DPYD: variants seen among roughly 807,000 people sequenced by gnomAD.
DPYD encodes the protein dihydropyrimidine dehydrogenase.
Under a neutral mutation model 116.2 loss-of-function variants are expected in DPYD, and 109 were observed. The ratio of observed to expected loss-of-function variants is 0.94; its 90% CI spans 0.80 to 1.10. DPYD has a LOEUF of 1.10. Ranked by LOEUF, DPYD falls within the 50% of genes least tolerant of loss-of-function variation. DPYD has a pLI of 0.00. For synonymous variants in DPYD, 440 were observed against 432.0 expected (o/e 1.02, Z -0.23); for missense variants, 1,302 against 1,254.5 (o/e 1.04, Z -0.57).
At chr1:97,117,614 A>G (rs1168869285) in intron 20 of DPYD, among the ~76,000 whole-genome samples, 1 of 152,190 alleles carries the variant, frequency 6.6e-6, no homozygotes, top group Non-Finnish European at 1.5e-5. Flanking sequence ...GCAATTTATC[A>G]TACTTTCTTT....
Position 97,515,645 on chromosome 1 carries a change from A to G in DPYD, c.1740+81T>C. The G allele has an allele frequency of 5.5e-6, 7 of 1,280,064 alleles. No individual in the cohort carries two copies. In the South Asian group the frequency reaches 9.4e-5, roughly 17 times the overall value. The allele number at this position is 1,280,064 out of a possible 1,614,324, so 79.3% of individuals were successfully genotyped here. On this transcript the variant is annotated intron_variant, in intron 13 of 22. Coordinates refer to ENST00000370192, the MANE Select transcript of DPYD (RefSeq NM_000110.4). ...GTTTAATAAGTAGTATTTCTTAGTAAAAAAAATCCATTATAATGTTTATAC... is the reference window on the plus strand; with the variant it reads ...GTTTAATAAGTAGTATTTCTTAGTAGAAAAAATCCATTATAATGTTTATAC...
At chr1:97,277,133 G>A (rs1015882830) in intron 18 of DPYD, among the ~76,000 whole-genome samples, 15 of 151,986 alleles carry the variant, frequency 9.9e-5, no homozygotes, top group Non-Finnish European at 1.6e-4. Flanking sequence ...GTATATTCTC[G>A]TTTATAAGTG....
chr1:97,340,374 G>A (rs1317638246), intron 16 of DPYD, among the ~76,000 whole-genome samples: 2 of 152,256 alleles, frequency 1.3e-5, no homozygotes, highest in East Asian at 3.9e-4. Context: ...TAGGGAAAAA[G>A]TGGGAAATGA....
At chr1:97,223,388 AACACACACAC>A (rs67855545) in intron 19 of DPYD, among the ~76,000 whole-genome samples, 27 of 148,432 alleles carry the variant, frequency 1.8e-4, no homozygotes, top group East Asian at 6.0e-4. Context: ...GATAGAATTA[AACACACACAC>A]ACACACACAC....
Position 97,822,544 on chromosome 1 carries a change from T to C in DPYD, c.233+5570A>G, listed in dbSNP as rs143264500. ...TAATTTGAGTATCACATTCATATTA[T>C]GCATAATTTCTATGGCTTCTGCATA... On this transcript the variant is annotated intron_variant, in intron 3 of 22. Transcript: ENST00000370192. Among the ~76,000 whole-genome samples, 11 of 152,008 alleles carry C rather than the reference T, an allele frequency of 7.2e-5. No individual in the cohort carries two copies. The East Asian group carries it at 2.1e-3, about 29-fold the overall frequency.
intron 13 of DPYD, among the ~76,000 whole-genome samples, chr1:97,454,927 G>A (rs922797510): frequency 6.6e-6 from 1 of 151,804 alleles, no homozygotes; most frequent in African/African-American, 2.4e-5. Context: ...GTGAATCATG[G>A]CTACATATAC....
intron 13 of DPYD, among the ~76,000 whole-genome samples, chr1:97,515,456 G>C (rs1557765620): frequency 1.3e-5 from 2 of 151,838 alleles, no homozygotes; most frequent in Non-Finnish European, 2.9e-5. Flanking sequence ...ACAAAAATAA[G>C]AGTTTGAGAT....
At position 97,337,301 on chromosome 1, in the gene DPYD, T is replaced by C. The variant is rs138599000; in HGVS notation, c.2059-31004A>G. ...GTCTCCGAAAGGAGAAGTTCTTCTA[T>C]CTGATACTGAGCTTAAAGTACAATG... On this transcript the variant is annotated intron_variant, in intron 16 of 22. Transcript: ENST00000370192. Among the ~76,000 whole-genome samples, 66 of 152,342 alleles carry C rather than the reference T, an allele frequency of 4.3e-4. No individual in the cohort carries two copies. The East Asian group carries it at 0.011, about 26-fold the overall frequency.
chr1:97,151,132 C>T (rs764614056), intron 20 of DPYD, among the ~76,000 whole-genome samples: 8 of 152,110 alleles, frequency 5.3e-5, no homozygotes, highest in South Asian at 2.1e-4. Flanking sequence ...ATTACCTTCT[C>T]GTAACATTCT....
chr1:97,235,819 T>A (rs578238709), intron 18 of DPYD, among the ~76,000 whole-genome samples: 2 of 152,118 alleles, frequency 1.3e-5, no homozygotes, highest in Admixed American at 6.6e-5. Context: ...TATATGTACT[T>A]CCCACAATTT....
At chr1:97,887,169 G>A (rs1485276977) in intron 1 of DPYD, among the ~76,000 whole-genome samples, 1 of 151,904 alleles carries the variant, frequency 6.6e-6, no homozygotes, top group African/African-American at 2.4e-5. Flanking sequence ...AGAGGAAAAT[G>A]TACATCCCTA....
At chr1:97,437,574 A>C (rs927271812) in intron 14 of DPYD, among the ~76,000 whole-genome samples, 3 of 151,848 alleles carry the variant, frequency 2.0e-5, no homozygotes, top group Admixed American at 6.6e-5. Context: ...TAGATATCTA[A>C]AAGTAAAATA....
intron 19 of DPYD, among the ~76,000 whole-genome samples, chr1:97,232,780 A>T (rs1299952896): frequency 1.3e-5 from 2 of 152,058 alleles, no homozygotes; most frequent in African/African-American, 2.4e-5. Context: ...TTCTTTGATG[A>T]GACTTTCTGT....
intron 2 of DPYD, among the ~76,000 whole-genome samples, chr1:97,830,681 G>A (rs1287792138): frequency 6.6e-6 from 1 of 150,988 alleles, no homozygotes; most frequent in Non-Finnish European, 1.5e-5. Context: ...CGGCACTCCA[G>A]CCGGGGACAG....
At chr1:97,700,317 A>G (rs1245727440) in intron 5 of DPYD, 1 of 455,112 alleles carries the variant, frequency 2.2e-6, no homozygotes, top group Non-Finnish European at 4.4e-6. Flanking sequence ...AGCAAAATAA[A>G]GTACAGAAGA....
chr1:97,867,157 C>T (rs1015364176), intron 2 of DPYD, among the ~76,000 whole-genome samples: 3 of 151,706 alleles, frequency 2.0e-5, no homozygotes, highest in Non-Finnish European at 2.9e-5. Context: ...CTTTAGAGAA[C>T]CTCCATATCT....
intron 2 of DPYD, among the ~76,000 whole-genome samples, chr1:97,866,082 G>A (rs1049541183): frequency 1.1e-4 from 17 of 151,912 alleles, no homozygotes; most frequent in Admixed American, 1.1e-3. Context: ...GCAGTTACAT[G>A]GCCACAGACA....
At chr1:97,254,411 C>A (rs530922362) in intron 18 of DPYD, among the ~76,000 whole-genome samples, 2 of 152,182 alleles carry the variant, frequency 1.3e-5, no homozygotes, top group South Asian at 4.2e-4. Context: ...TAACTGTCAA[C>A]TCTGGTCTTT....
chr1:97,360,242 G>C (rs1670647235), intron 16 of DPYD, among the ~76,000 whole-genome samples: 2 of 152,168 alleles, frequency 1.3e-5, no homozygotes, highest in Admixed American at 1.3e-4. Context: ...AACAAGAAGA[G>C]CTAACTAACC....
Sources: gnomAD v4.1 joint callset for allele counts (sites outside exome capture counted in the v4.1 genomes callset) on GRCh38, gnomAD v4.1.1 for gene constraint, MANE v1.5 for transcripts, NCBI Gene and HGNC (gene_info 2026-07-23, HGNC 2026-07-21) for gene names.